Variants in B3GALT1 observed in about 807,000 individuals in gnomAD.
B3GALT1 encodes beta-1,3-galactosyltransferase 1, also known as UDP-Gal:betaGlcNAc beta 1,3-galactosyltransferase, polypeptide 1.
In B3GALT1, 10 loss-of-function variants were observed where a neutral mutation model predicts 23.2. The ratio of observed to expected loss-of-function variants is 0.43; its 90% confidence interval spans 0.27 to 0.73. The LOEUF (loss-of-function observed/expected upper bound fraction) is 0.73. Ranked by LOEUF, B3GALT1 falls within the 30% of genes least tolerant of loss-of-function variation. The pLI, the probability that B3GALT1 is intolerant of heterozygous loss-of-function variation, is 0.21. For synonymous variants in B3GALT1, 156 were observed against 141.5 expected (o/e 1.10, Z -0.73); for missense variants, 299 against 405.4 (o/e 0.74, Z 2.25).
At chr2:167,427,233 T>C (rs1698635776) in intron 1 of B3GALT1, among the ~76,000 whole-genome samples, 1 of 152,324 alleles carries the variant, frequency 6.6e-6, no homozygotes, top group South Asian at 2.1e-4. Flanking sequence ...TGGTTACTCC[T>C]ATGGGAAAGA....
chr2:167,408,381 G>T (rs1014119591), intron 1 of B3GALT1, among the ~76,000 whole-genome samples: 1 of 152,034 alleles, frequency 6.6e-6, no homozygotes, highest in African/African-American at 2.4e-5. Context: ...AATAATAAGG[G>T]CCATATGTGA....
At chr2:167,530,419 A>G (rs1035142053) in intron 2 of B3GALT1, among the ~76,000 whole-genome samples, 2 of 152,190 alleles carry the variant, frequency 1.3e-5, no homozygotes, top group Admixed American at 6.5e-5. Context: ...GGCAGCCAGT[A>G]GGTGCTCGCT....
intron 3 of B3GALT1, among the ~76,000 whole-genome samples, chr2:167,653,603 C>T (rs747547320): frequency 3.9e-5 from 6 of 152,174 alleles, no homozygotes; most frequent in Non-Finnish European, 7.4e-5. Flanking sequence ...CAACTTGCTT[C>T]CCTGTGCACT....
chr2:167,666,003 A>T (rs534079824), intron 3 of B3GALT1, among the ~76,000 whole-genome samples: 10 of 152,224 alleles, frequency 6.6e-5, no homozygotes, highest in African/African-American at 2.2e-4. Context: ...GCCTTCTGCT[A>T]GCTTTTGAAT....
intron 3 of B3GALT1, among the ~76,000 whole-genome samples, chr2:167,800,764 G>T (rs943282254): frequency 1.3e-5 from 2 of 152,156 alleles, no homozygotes; most frequent in South Asian, 4.1e-4. Flanking sequence ...CAGTGACTCG[G>T]GATGGGCACT....
intron 1 of B3GALT1, among the ~76,000 whole-genome samples, chr2:167,471,398 C>T (rs970240933): frequency 6.6e-6 from 1 of 152,146 alleles, no homozygotes; most frequent in Non-Finnish European, 1.5e-5. Context: ...ATACCAAACC[C>T]CATCTTCTAA....
intron 2 of B3GALT1, among the ~76,000 whole-genome samples, chr2:167,532,720 G>GT (rs200560676): frequency 4.0e-5 from 6 of 151,334 alleles, no homozygotes; most frequent in Non-Finnish European, 5.9e-5. Context: ...TCATTTTTAG[G>GT]TTTTTTTTAA....
intron 1 of B3GALT1, among the ~76,000 whole-genome samples, chr2:167,357,334 T>C (rs1697432112): frequency 6.6e-6 from 1 of 152,016 alleles, no homozygotes; most frequent in Non-Finnish European, 1.5e-5. Context: ...GGAGAAAAAA[T>C]ATGTAGTTAA....
intron 3 of B3GALT1, among the ~76,000 whole-genome samples, chr2:167,657,895 A>G (rs1685982785): frequency 6.6e-6 from 1 of 152,164 alleles, no homozygotes; most frequent in Non-Finnish European, 1.5e-5. Context: ...AGCATACAGT[A>G]TTATTTTTCA....
At chr2:167,806,776 C>G (rs1310848581) in intron 3 of B3GALT1, among the ~76,000 whole-genome samples, 1 of 152,050 alleles carries the variant, frequency 6.6e-6, no homozygotes, top group Non-Finnish European at 1.5e-5. Flanking sequence ...CTAAAATTCT[C>G]TTTTTTTGTT....
intron 1 of B3GALT1, among the ~76,000 whole-genome samples, chr2:167,445,159 ATGT>A (rs1239113262): frequency 1.3e-5 from 2 of 152,156 alleles, no homozygotes; most frequent in African/African-American, 4.8e-5. Flanking sequence ...TTCAGTTTCC[ATGT>A]TGTTGAGCAG....
Position 167,452,868 on chromosome 2 carries a change from A to G in B3GALT1, c.-510-37309A>G, listed in dbSNP as rs149718896. ...ACTCTGGTTCTTAACCCTGGGTGCC[A>G]TGAGAGTCACCTGTAGAGTGTCATT... On this transcript the variant is annotated intron_variant, in intron 1 of 4. Transcript: ENST00000392690. Among the ~76,000 whole-genome samples, 7 of 152,322 alleles carry G rather than the reference A, an allele frequency of 4.6e-5. No homozygotes were observed. The East Asian group carries it at 1.4e-3, about 29-fold the overall frequency.
chr2:167,451,931 C>T (rs995871766), intron 1 of B3GALT1, among the ~76,000 whole-genome samples: 3 of 152,082 alleles, frequency 2.0e-5, no homozygotes, highest in Admixed American at 2.0e-4. Context: ...ATTATTGCTG[C>T]CTTTGCTGTG....
intron 1 of B3GALT1, among the ~76,000 whole-genome samples, chr2:167,470,325 CA>C (rs1411064205): frequency 2.0e-5 from 3 of 152,106 alleles, no homozygotes; most frequent in Non-Finnish European, 4.4e-5. Context: ...CTGGGTTTAG[CA>C]ATTAAAATTT....
intron 1 of B3GALT1, among the ~76,000 whole-genome samples, chr2:167,436,011 T>C (rs536128347): frequency 6.6e-6 from 1 of 151,222 alleles, no homozygotes; most frequent in South Asian, 2.1e-4. Flanking sequence ...TAGTCCAAGT[T>C]ACTATTATAT....
Position 167,780,457 on chromosome 2 carries a change from A to G in B3GALT1, c.-351-38215A>G, listed in dbSNP as rs140453819. Among the ~76,000 whole-genome samples the G allele has an allele frequency of 2.0e-3, 298 of 152,358 alleles. 1 individual carries two copies. The highest frequency in any genetic ancestry group is 6.6e-3 in the African/African-American group (276 of 41,582). ...GAAGACAGCTATTATGATGGCATCTATAACACTTGTTCATTGGCAGGCACT... is the reference window on the plus strand; with the variant it reads ...GAAGACAGCTATTATGATGGCATCTGTAACACTTGTTCATTGGCAGGCACT... On this transcript the variant is annotated intron_variant, in intron 3 of 4. Transcript: ENST00000392690.
At chr2:167,818,014 T>C (rs1186335512) in intron 3 of B3GALT1, among the ~76,000 whole-genome samples, 1 of 152,164 alleles carries the variant, frequency 6.6e-6, no homozygotes, top group African/African-American at 2.4e-5. Context: ...CCAAATGTCT[T>C]TGCCCAAAGG....
chr2:167,408,210 G>A (rs1013477863), intron 1 of B3GALT1, among the ~76,000 whole-genome samples: 1 of 151,976 alleles, frequency 6.6e-6, no homozygotes, highest in African/African-American at 2.4e-5. Flanking sequence ...ATGCAAGGAT[G>A]GTTCAAAATA....
At chr2:167,856,165 C>T (rs957139215) in intron 4 of B3GALT1, among the ~76,000 whole-genome samples, 1 of 152,080 alleles carries the variant, frequency 6.6e-6, no homozygotes, top group Admixed American at 6.5e-5. Flanking sequence ...AAAACCTGTC[C>T]TATATGCCTA....
Sources: allele counts gnomAD v4.1 joint callset (sites outside exome capture counted in the v4.1 genomes callset), GRCh38; gene constraint gnomAD v4.1.1; transcripts MANE v1.5; gene names NCBI Gene and HGNC (gene_info 2026-07-23, HGNC 2026-07-21).